ALK: variants seen among roughly 807,000 people sequenced by gnomAD.
The protein encoded by ALK is ALK tyrosine kinase receptor.
In ALK, 74 loss-of-function variants were observed where a neutral mutation model predicts 163.1. That is an observed-to-expected ratio of 0.45 (90% CI 0.38 to 0.55). ALK has a LOEUF of 0.55. ALK is among the 20% of genes least tolerant of loss of function. The pLI, the probability that ALK is intolerant of heterozygous loss-of-function variation, is 0.00. For synonymous variants in ALK, 960 were observed against 843.2 expected, an observed-to-expected ratio of 1.14 and a Z score of -2.40; for missense variants, 2,063 against 2,105.3, an observed-to-expected ratio of 0.98 and a Z score of 0.39.
At chr2:29,581,571 G>A (rs979042447) in intron 3 of ALK, among the ~76,000 whole-genome samples, 6 of 152,140 alleles carry the variant, frequency 3.9e-5, no homozygotes, top group African/African-American at 1.2e-4. Flanking sequence ...TGCTGTCAGT[G>A]CACTGGAGGG....
intron 4 of ALK, among the ~76,000 whole-genome samples, chr2:29,520,864 C>T (rs1672791213): frequency 6.6e-6 from 1 of 151,964 alleles, no homozygotes; most frequent in South Asian, 2.1e-4. Context: ...CACAGGGATC[C>T]CCTAAAGGAT....
At chr2:29,544,847 T>C (rs1289904151) in intron 3 of ALK, among the ~76,000 whole-genome samples, 2 of 152,108 alleles carry the variant, frequency 1.3e-5, no homozygotes, top group Admixed American at 6.5e-5. Flanking sequence ...GACATAAACA[T>C]GATTGTCACG....
chr2:29,548,409 G>A (rs1210800697), intron 3 of ALK, among the ~76,000 whole-genome samples: 2 of 151,678 alleles, frequency 1.3e-5, no homozygotes, highest in Admixed American at 1.3e-4. Context: ...GAAGGTGGAA[G>A]TTGCAGTGAG....
intron 23 of ALK, among the ~76,000 whole-genome samples, chr2:29,219,972 CAG>C (rs1477592110): frequency 1.3e-5 from 2 of 152,180 alleles, no homozygotes; most frequent in African/African-American, 4.8e-5. Flanking sequence ...TGAGTAGCTG[CAG>C]AGTGACCTGC....
intron 1 of ALK, among the ~76,000 whole-genome samples, chr2:29,828,323 G>T (rs571690962): frequency 0.022 from 3,287 of 152,088 alleles, 122 homozygotes; most frequent in African/African-American, 0.074. Flanking sequence ...AAATGGGATC[G>T]AATTAAACTA....
chr2:29,415,143 A>G (rs1265252215), intron 4 of ALK, among the ~76,000 whole-genome samples: 1 of 149,478 alleles, frequency 6.7e-6, no homozygotes, highest in African/African-American at 2.5e-5. Context: ...ACCATCTAGA[A>G]TGCCATGGTC....
chr2:29,329,405 T>A (rs1405469537), intron 5 of ALK, among the ~76,000 whole-genome samples: 1 of 152,216 alleles, frequency 6.6e-6, no homozygotes, highest in Admixed American at 6.5e-5. Flanking sequence ...CTCCTGCTAC[T>A]CAGTTCTTGG....
At chr2:29,332,336 C>G (rs1573243976) in intron 5 of ALK, among the ~76,000 whole-genome samples, 1 of 131,546 alleles carries the variant, frequency 7.6e-6, no homozygotes, top group African/African-American at 2.8e-5. Context: ...TCTATGAGGT[C>G]TCCCTCAACC....
intron 4 of ALK, among the ~76,000 whole-genome samples, chr2:29,421,066 C>T (rs1670004846): frequency 2.0e-5 from 3 of 151,446 alleles, no homozygotes; most frequent in South Asian, 2.1e-4. Context: ...GCAGCTGTGG[C>T]GAAACAGTGT....
At position 29,879,192 on chromosome 2, in the gene ALK, C is replaced by T. The variant is rs190809505; in HGVS notation, c.667+40801G>A. 9.9e-5 allele frequency among the ~76,000 whole-genome samples: 15 copies of T among 152,270 alleles called. No homozygotes were observed. The East Asian group carries it at 2.7e-3, about 27-fold the overall frequency. On this transcript the variant is annotated intron_variant, in intron 1 of 28. Transcript: ENST00000389048. ...CAGCCCAGGACACACGATCCTGACC[C>T]AGAGAATGAGAATCCCTCCCCCAAG...
chr2:29,233,232 T>C (rs1197868003), intron 14 of ALK, among the ~76,000 whole-genome samples: 8 of 152,166 alleles, frequency 5.3e-5, no homozygotes, highest in Non-Finnish European at 8.8e-5. Context: ...AGCCTTGAAC[T>C]CCTGGGTTCA....
intron 4 of ALK, among the ~76,000 whole-genome samples, chr2:29,520,815 T>G (rs577576255): frequency 1.3e-5 from 2 of 152,120 alleles, no homozygotes; most frequent in Admixed American, 1.3e-4. Context: ...TGGCTTTGAG[T>G]GCCATACTAA....
At chr2:29,545,980 T>C (rs1161168778) in intron 3 of ALK, among the ~76,000 whole-genome samples, 1 of 152,212 alleles carries the variant, frequency 6.6e-6, no homozygotes, top group Non-Finnish European at 1.5e-5. Context: ...AGAAGTTCCC[T>C]AGAAATAATA....
At chr2:29,444,897 C>A (rs1440631095) in intron 4 of ALK, among the ~76,000 whole-genome samples, 1 of 152,146 alleles carries the variant, frequency 6.6e-6, no homozygotes, top group East Asian at 1.9e-4. Flanking sequence ...CACATACAGG[C>A]TTACCCAAAT....
At chr2:29,665,003 C>CTTT (rs35885544) in intron 3 of ALK, among the ~76,000 whole-genome samples, 8 of 133,792 alleles carry the variant, frequency 6.0e-5, no homozygotes, top group Non-Finnish European at 9.5e-5. Context: ...TTCTTTTTTT[C>CTTT]TTTTTTTTTT....
chr2:29,226,321 T>C (rs1250543664), intron 18 of ALK, among the ~76,000 whole-genome samples: 1 of 150,746 alleles, frequency 6.6e-6, no homozygotes, highest in African/African-American at 2.4e-5. Context: ...CTACTGAAAA[T>C]ATGAAAATTA....
chr2:29,813,342 T>A (rs1156730361), intron 1 of ALK, among the ~76,000 whole-genome samples: 1 of 152,118 alleles, frequency 6.6e-6, no homozygotes, highest in Non-Finnish European at 1.5e-5. Context: ...GGGCAGTAAG[T>A]GCCCAAGAAA....
intron 1 of ALK, among the ~76,000 whole-genome samples, chr2:29,875,081 T>A (rs943569280): frequency 1.1e-4 from 17 of 152,220 alleles, no homozygotes; most frequent in African/African-American, 4.1e-4. Context: ...GTTCATAGAA[T>A]TATTCACAAT....
At chr2:29,756,464 T>C (rs1680534257) in intron 1 of ALK, among the ~76,000 whole-genome samples, 2 of 152,174 alleles carry the variant, frequency 1.3e-5, no homozygotes, top group Admixed American at 6.5e-5. Flanking sequence ...TTGATGTCTT[T>C]ATAACTATTT....
Sources: allele counts gnomAD v4.1 joint callset (sites outside exome capture counted in the v4.1 genomes callset), GRCh38; gene constraint gnomAD v4.1.1; transcripts MANE v1.5; gene names NCBI Gene and HGNC (gene_info 2026-07-23, HGNC 2026-07-21).